Variants in VCF1 observed in about 807,000 individuals in gnomAD.
The protein encoded by VCF1 is VCP nuclear cofactor family member 1, also known as protein VCF1.
the VCF1 span, among the ~76,000 whole-genome samples, chr17:73,219,491 T>TGCA: frequency 6.7e-6 from 1 of 149,366 alleles, no homozygotes; most frequent in South Asian, 2.1e-4. Context: ...CTACTAAAAA[T>TGCA]ACAAAAAAAT....
chr17:73,225,098 G>T, the VCF1 span, among the ~76,000 whole-genome samples: 2 of 152,200 alleles, frequency 1.3e-5, no homozygotes, highest in Non-Finnish European at 2.9e-5. Flanking sequence ...ACTAATGGTT[G>T]TAACACCCCA....
At chr17:73,217,304 G>C in the VCF1 span, among the ~76,000 whole-genome samples, 2 of 151,548 alleles carry the variant, frequency 1.3e-5, no homozygotes, top group African/African-American at 4.9e-5. Flanking sequence ...AGTGAGCTGA[G>C]AATGTGCCAC....
the VCF1 span, among the ~76,000 whole-genome samples, chr17:73,225,903 T>A: frequency 0.12 from 10,831 of 91,092 alleles, 692 homozygotes; most frequent in African/African-American, 0.28. Flanking sequence ...ATATATATTT[T>A]TTTTTTTTTT....
the VCF1 span, among the ~76,000 whole-genome samples, chr17:73,225,017 T>TAGGAC: frequency 3.4e-5 from 2 of 58,446 alleles, no homozygotes; most frequent in South Asian, 5.4e-4. Context: ...CAGCATAGGA[T>TAGGAC]AGGACAGGAC....
chr17:73,221,100 T>G, the VCF1 span, among the ~76,000 whole-genome samples: 2 of 151,122 alleles, frequency 1.3e-5, no homozygotes, highest in Admixed American at 6.6e-5. Context: ...GGTTTCACCA[T>G]GTTGGTCAGG....
the VCF1 span, among the ~76,000 whole-genome samples, chr17:73,211,827 T>A: frequency 6.6e-6 from 1 of 152,096 alleles, no homozygotes; most frequent in African/African-American, 2.4e-5. Flanking sequence ...GCCACTGCCC[T>A]CCAGCCTAGT....
At chr17:73,226,350 C>T in the VCF1 span, among the ~76,000 whole-genome samples, 2 of 152,154 alleles carry the variant, frequency 1.3e-5, no homozygotes, top group African/African-American at 4.8e-5. Context: ...CTTTGAATTG[C>T]TGGCAAAGAC....
the VCF1 span, chr17:73,231,979 A>C: frequency 8.1e-7 from 1 of 1,236,206 alleles, no homozygotes; most frequent in African/African-American, 1.6e-5. Flanking sequence ...CCCCACAGGG[A>C]GCCCCGCCGG....
the VCF1 span, among the ~76,000 whole-genome samples, chr17:73,228,641 A>G: frequency 6.6e-6 from 1 of 152,198 alleles, no homozygotes; most frequent in African/African-American, 2.4e-5. Flanking sequence ...TTCTCTTAGG[A>G]GATCAGATCT....
At chr17:73,230,732 A>T in the VCF1 span, among the ~76,000 whole-genome samples, 1 of 152,210 alleles carries the variant, frequency 6.6e-6, no homozygotes, top group Non-Finnish European at 1.5e-5. Flanking sequence ...TAGAGCTGGC[A>T]GAGCTGGCCC....
chr17:73,222,192 T>G, the VCF1 span, among the ~76,000 whole-genome samples: 1 of 125,444 alleles, frequency 8.0e-6, no homozygotes, highest in Admixed American at 8.0e-5. Context: ...AGCAAGACCC[T>G]GTCTCAAAAA....
At chr17:73,212,725 T>A in the VCF1 span, 1 of 1,589,892 alleles carries the variant, frequency 6.3e-7, no homozygotes, top group Non-Finnish European at 8.6e-7. Context: ...TTACTGTTTC[T>A]CATTACAGGT....
At chr17:73,211,309 C>T in the VCF1 span, among the ~76,000 whole-genome samples, 1 of 151,680 alleles carries the variant, frequency 6.6e-6, no homozygotes, top group East Asian at 1.9e-4. Context: ...AAACCCCCAT[C>T]TCCATTAAAA....
chr17:73,219,056 T>A, the VCF1 span, among the ~76,000 whole-genome samples: 12 of 151,766 alleles, frequency 7.9e-5, no homozygotes, highest in Non-Finnish European at 1.5e-4. Context: ...CAGGTGTGGT[T>A]GTGCATTGCC....
the VCF1 span, among the ~76,000 whole-genome samples, chr17:73,225,861 G>GAAAA: frequency 2.2e-3 from 263 of 122,098 alleles, 2 homozygotes; most frequent in African/African-American, 8.1e-3. Flanking sequence ...AAGCAAATAG[G>GAAAA]AAAAAAATAT....
At chr17:73,207,988 T>C in the VCF1 span, 4 of 1,275,828 alleles carry the variant, frequency 3.1e-6, no homozygotes, top group South Asian at 6.4e-5. Flanking sequence ...ATGGGCTATG[T>C]TGCAGCCTCT....
the VCF1 span, among the ~76,000 whole-genome samples, chr17:73,226,046 C>T: frequency 6.6e-6 from 1 of 151,406 alleles, no homozygotes; most frequent in East Asian, 1.9e-4. Context: ...GGATTACAGG[C>T]GTGCACCACC....
At chr17:73,225,078 C>T in the VCF1 span, among the ~76,000 whole-genome samples, 1 of 74,666 alleles carries the variant, frequency 1.3e-5, no homozygotes, top group African/African-American at 4.7e-5. Flanking sequence ...GTTCAGTAAG[C>T]AAGGCTGAAA....
At chr17:73,209,656 C>T in the VCF1 span, 2 of 1,553,418 alleles carry the variant, frequency 1.3e-6, no homozygotes, top group East Asian at 4.9e-5. Context: ...CGTGTTAGGG[C>T]TGGATCCGGC....
Sources: gnomAD v4.1 joint callset for allele counts (sites outside exome capture counted in the v4.1 genomes callset) on GRCh38, gnomAD v4.1.1 for gene constraint, MANE v1.5 for transcripts, NCBI Gene and HGNC (gene_info 2026-07-23, HGNC 2026-07-21) for gene names.